Variants in SETD2 observed in about 807,000 individuals in gnomAD.
The protein encoded by SETD2 is SET domain containing 2, histone lysine methyltransferase.
In SETD2, 31 loss-of-function variants were observed where a neutral mutation model predicts 242.1. That is an observed-to-expected ratio of 0.13 (90% CI 0.10 to 0.17). The LOEUF (loss-of-function observed/expected upper bound fraction) is 0.17, where lower values mean the gene tolerates loss of function less well. SETD2 is among the 10% of genes least tolerant of loss of function. The pLI, the probability that SETD2 is intolerant of heterozygous loss-of-function variation, is 1.00. For missense variants in SETD2, 2,481 were observed against 3,046.3 expected, an observed-to-expected ratio of 0.81 and a Z score of 4.37; for synonymous variants, 1,006 against 1,066.5, an observed-to-expected ratio of 0.94 and a Z score of 1.11.
intron 13 of SETD2, among the ~76,000 whole-genome samples, chr3:47,065,815 T>A (rs1330362268): frequency 6.6e-6 from 1 of 151,910 alleles, no homozygotes; most frequent in Non-Finnish European, 1.5e-5. Flanking sequence ...AAAAAATAAA[T>A]CAATAAATAA....
At chr3:47,164,171 G>A (rs1697601548), upstream of SETD2, among the ~76,000 whole-genome samples, 1 of 152,022 alleles carries the variant, frequency 6.6e-6, no homozygotes, top group Non-Finnish European at 1.5e-5. The surrounding 1 kb of genome is among the most constrained non-coding windows in gnomAD (Gnocchi z 5.4). Context: ...AGCTTCGCAG[G>A]CCCGGCCCCT....
intron 1 of SETD2, among the ~76,000 whole-genome samples, chr3:47,141,709 T>C (rs1249204970): frequency 1.3e-5 from 2 of 152,184 alleles, no homozygotes; most frequent in Non-Finnish European, 2.9e-5. Flanking sequence ...TTTAGAAACA[T>C]ACCAAGTACA....
chr3:47,125,674 T>C (rs1267949115), intron 2 of SETD2, among the ~76,000 whole-genome samples: 1 of 152,216 alleles, frequency 6.6e-6, no homozygotes, highest in Admixed American at 6.5e-5. Context: ...CAAGTAATAA[T>C]ACTGCTGTAT....
At chr3:47,060,118 C>T (rs1232995292) in intron 14 of SETD2, among the ~76,000 whole-genome samples, 11 of 152,132 alleles carry the variant, frequency 7.2e-5, no homozygotes, top group African/African-American at 2.7e-4. Flanking sequence ...AACCGGGCAT[C>T]GTGGCACTTC....
chr3:47,149,992 A>G (rs1575848174), intron 1 of SETD2, among the ~76,000 whole-genome samples: 1 of 135,808 alleles, frequency 7.4e-6, no homozygotes, highest in Non-Finnish European at 1.6e-5. Context: ...TAAATTTTCT[A>G]TCATTTTTCA....
At chr3:47,068,841 C>T (rs2040688874) in intron 12 of SETD2, among the ~76,000 whole-genome samples, 1 of 151,850 alleles carries the variant, frequency 6.6e-6, no homozygotes, top group Non-Finnish European at 1.5e-5. Context: ...CTCTGTCGCA[C>T]AGGCTGGAGT....
At chr3:47,055,224 C>G (rs1300725350) in intron 15 of SETD2, among the ~76,000 whole-genome samples, 1 of 152,130 alleles carries the variant, frequency 6.6e-6, no homozygotes, top group East Asian at 1.9e-4. Context: ...TGTTTTAATA[C>G]AGCTTCATTA....
rs1322499901 is a variant in SETD2 at position 47,122,777 on chromosome 3, C to A, written c.1859G>T (p.Arg620Leu). The A allele has an allele frequency of 6.2e-7, 1 of 1,610,554 alleles. No individual in the cohort carries two copies. The highest frequency in any genetic ancestry group is 8.5e-7 in the Non-Finnish European group (1 of 1,179,090). ...TTTTAAAGTAGGTGAATCATTTAAT[C>A]GATTTGATGGAGCTGGAGACCCAGC... is the stretch of plus-strand genomic sequence containing the variant. ...EKAGSPAPSN[R>L]LNDSPTLKKL... The change falls in exon 3 of 21, where the codon CGA (arginine) becomes CTA (leucine). Residue 620 changes from arginine to leucine, a missense_variant. Coordinates refer to ENST00000409792, the MANE Select transcript of SETD2 (RefSeq NM_014159.7).
intron 1 of SETD2, chr3:47,145,594 T>G (rs1256506880): frequency 2.9e-6 from 1 of 340,654 alleles, no homozygotes; most frequent in African/African-American, 2.1e-5. Context: ...TCAGGTCATG[T>G]GTAAAATTTC....
chr3:47,027,227 A>G (rs2038524587), intron 18 of SETD2, among the ~76,000 whole-genome samples: 1 of 151,088 alleles, frequency 6.6e-6, no homozygotes, highest in Admixed American at 6.6e-5. Context: ...AGTCCCAGCT[A>G]CTCAGGAGGC....
intron 5 of SETD2, among the ~76,000 whole-genome samples, chr3:47,111,969 T>C (rs1039986782): frequency 1.3e-5 from 2 of 152,218 alleles, no homozygotes; most frequent in African/African-American, 4.8e-5. Context: ...TCTGAAAGAA[T>C]AGTTATGTCT....
chr3:47,021,872 G>C (rs1259338190), intron 18 of SETD2, among the ~76,000 whole-genome samples: 1 of 152,186 alleles, frequency 6.6e-6, no homozygotes, highest in Non-Finnish European at 1.5e-5. Flanking sequence ...GGTAAGGCTG[G>C]GTGTGGTGGC....
Position 47,019,749 on chromosome 3 carries a change from C to T in SETD2, c.7431+11G>A, listed in dbSNP as rs201078359. The T allele has an allele frequency of 2.5e-6, 4 of 1,610,936 alleles. No homozygotes were observed. The South Asian group carries it at 4.4e-5, about 18-fold the overall frequency. On this transcript the variant is annotated intron_variant, in intron 19 of 20. Transcript: ENST00000409792. ...CTGAGGAGCTTAGTGCTTATATCCA[C>T]CAAACCTTACCTCTTTTCTGAATAC...
At position 47,017,188 on chromosome 3, in the gene SETD2, C is replaced by A. The variant is rs2107485232; in HGVS notation, c.7600G>T (p.Glu2534Ter). Residue 2534 changes from glutamate (E) to a stop codon, truncating the protein, a stop_gained, in exon 21 of 21, where the codon GAG (glutamate) becomes TAG (stop). Transcript: ENST00000409792. LOFTEE classifies it high-confidence loss of function. This position sits in a 1 kb window ranked among gnomAD's most constrained non-coding sequence, Gnocchi z 4.8. ...CKNPEDLECNENVKHKTKEYI... is the reference protein window; with the variant it reads ...CKNPEDLECN ...TCCTTGGTTTTGTGTTTCACATTCT[C>A]ATTGCACTCCAGGTCCTCAGGATTC... The A allele has an allele frequency of 6.2e-7, 1 of 1,614,154 alleles. No homozygotes were observed. The highest frequency in any genetic ancestry group is 8.5e-7 in the Non-Finnish European group (1 of 1,180,020).
Position 47,123,483 on chromosome 3 carries a change from T to A in SETD2, c.1153A>T (p.Arg385Ter), listed in dbSNP as rs1224970719. Residue 385 changes from arginine to a stop codon, truncating the protein, a stop_gained, in exon 3 of 21, where the codon AGA (arginine) becomes TGA (stop). Coordinates refer to ENST00000409792, the MANE Select transcript of SETD2 (RefSeq NM_014159.7). LOFTEE classifies it high-confidence loss of function. ...DKYFSYSKLE[R>*]DTRYVSSRCR... ...CGGGAAGATACATACCGAGTATCTC[T>A]TTCAAGTTTTGAATAGCTAAAATAT... 6.4e-7 allele frequency: 1 copy of A among 1,551,298 alleles called. No individual in the cohort carries two copies. Among genetic ancestry groups the A allele is most frequent in the Non-Finnish European group, 8.7e-7 (1 of 1,146,876 alleles).
At chr3:47,101,779 G>A (rs2042223423) in intron 7 of SETD2, among the ~76,000 whole-genome samples, 1 of 151,848 alleles carries the variant, frequency 6.6e-6, no homozygotes, top group Admixed American at 6.6e-5. Flanking sequence ...TGGACTACCA[G>A]ATTGCATATA....
Position 47,057,181 on chromosome 3 carries a change from A to T in SETD2, c.6603T>A (p.Ala2201=), listed in dbSNP as rs2040121310. 6.2e-7 allele frequency: 1 copy of T among 1,614,060 alleles called. No individual in the cohort carries two copies. The change falls in exon 15 of 21, where the codon GCT becomes GCA. Residue 2201 remains alanine (A), a synonymous_variant. Transcript: ENST00000409792. Reference sequence around the variant, plus strand: ...CCAAGGGCTGAGCATGATCATAAGGAGCAGGAGAACACACTGGGTCCATGC... The same window carrying T: ...CCAAGGGCTGAGCATGATCATAAGGTGCAGGAGAACACACTGGGTCCATGC... ...TPSMDPVCSP[A]PYDHAQPLVG... is the part of the protein sequence containing the mutation.
chr3:47,056,750 C>T (rs1255881674), intron 15 of SETD2, 71 bp downstream of exon 15: 1 of 1,241,124 alleles, frequency 8.1e-7, no homozygotes, highest in Non-Finnish European at 1.2e-6. Context: ...ACTTCCTCCC[C>T]TATACCAGAT....
At chr3:47,109,969 G>A (rs2042587668) in intron 5 of SETD2, among the ~76,000 whole-genome samples, 3 of 143,662 alleles carry the variant, frequency 2.1e-5, no homozygotes, top group Non-Finnish European at 3.0e-5. Flanking sequence ...CTGAGTGACA[G>A]AGCAAGACTC....
Sources: allele counts gnomAD v4.1 joint callset (sites outside exome capture counted in the v4.1 genomes callset), GRCh38; gene constraint gnomAD v4.1.1; non-coding constraint Gnocchi (gnomAD v3.1); transcripts MANE v1.5; gene names NCBI Gene and HGNC (gene_info 2026-07-23, HGNC 2026-07-21).